Variants in MED12L observed in about 807,000 individuals in gnomAD.
The protein encoded by MED12L is mediator of RNA polymerase II transcription subunit 12-like protein.
In MED12L, 60 loss-of-function variants were observed where a neutral mutation model predicts 281.3. That is an observed-to-expected ratio of 0.21 (90% CI 0.17 to 0.26). The LOEUF (loss-of-function observed/expected upper bound fraction) is 0.26. MED12L is among the 10% of genes least tolerant of loss of function. The probability of loss-of-function intolerance (pLI) is 1.00; values close to 1 mark genes in which losing one functional copy is unlikely to be tolerated. For synonymous variants in MED12L, 974 were observed against 987.2 expected, an observed-to-expected ratio of 0.99 and a Z score of 0.25; for missense variants, 2,146 against 2,680.9, an observed-to-expected ratio of 0.80 and a Z score of 4.41.
intron 16 of MED12L, among the ~76,000 whole-genome samples, chr3:151,240,813 T>G (rs1047161499): frequency 5.9e-5 from 9 of 152,360 alleles, no homozygotes; most frequent in African/African-American, 2.2e-4. Context: ...GTCATTTCCT[T>G]AGGTCAGAGA....
At position 151,282,358 on chromosome 3, in the gene MED12L, G is replaced by GTT. The variant is rs146250992; in HGVS notation, c.2251-67693_2251-67692dup. Among the ~76,000 whole-genome samples the GTT allele has an allele frequency of 9.1e-3, 1,357 of 149,280 alleles. 22 individuals carry two copies. Among genetic ancestry groups the GTT allele is most frequent in the African/African-American group, 0.031 (1,258 of 40,694 alleles). On this transcript the variant is annotated intron_variant, in intron 16 of 44. Transcript: ENST00000687756. ...GGGTTATATAATTTAGTTTTTTTTTGTTTTTTTTTGTTTGTTTGTTTGTTT... is the reference window on the plus strand; with the variant it reads ...GGGTTATATAATTTAGTTTTTTTTTGTTTTTTTTTTTGTTTGTTTGTTTGTTT...
intron 38 of MED12L, among the ~76,000 whole-genome samples, chr3:151,391,876 A>G (rs932807665): frequency 5.3e-5 from 8 of 152,218 alleles, no homozygotes; most frequent in African/African-American, 1.9e-4. Flanking sequence ...TTGTTGAGTG[A>G]ATGAATATAG....
At chr3:151,171,220 C>G (rs1014490011) in intron 11 of MED12L, among the ~76,000 whole-genome samples, 1 of 152,136 alleles carries the variant, frequency 6.6e-6, no homozygotes, top group Non-Finnish European at 1.5e-5. Flanking sequence ...CAGTGGGACC[C>G]CTGGTTTCCA....
chr3:151,213,606 G>C, intron 16 of MED12L: 1 of 1,614,140 alleles, frequency 6.2e-7, no homozygotes, highest in Non-Finnish European at 8.5e-7. Flanking sequence ...CAAACACGAT[G>C]CTGAATATGT....
At chr3:151,311,955 C>T (rs370895333) in intron 16 of MED12L, among the ~76,000 whole-genome samples, 1 of 152,108 alleles carries the variant, frequency 6.6e-6, no homozygotes, top group Non-Finnish European at 1.5e-5. Flanking sequence ...ACCTGGGAGG[C>T]GGAGGTTGCG....
chr3:151,369,345 G>C, intron 25 of MED12L, 91 bp from the exon 26 acceptor site: 2 of 825,788 alleles, frequency 2.4e-6, no homozygotes, highest in Non-Finnish European at 3.8e-6. Context: ...AGCACCCACA[G>C]TCTAACAATG....
At chr3:151,299,968 G>A (rs1032404380) in intron 16 of MED12L, 2 of 813,392 alleles carry the variant, frequency 2.5e-6, no homozygotes, top group Admixed American at 3.5e-5. Context: ...TATTTTGTTA[G>A]TTGGTTCTCT....
chr3:151,384,967 CT>C (rs1303680910), intron 35 of MED12L, 62 bp from the exon 36 acceptor site: 1 of 893,188 alleles, frequency 1.1e-6, no homozygotes, highest in Non-Finnish European at 1.9e-6. Flanking sequence ...TTCTGGTTAA[CT>C]TTTGCCTTCA....
intron 16 of MED12L, among the ~76,000 whole-genome samples, chr3:151,263,794 G>C (rs1329325075): frequency 6.6e-6 from 1 of 152,056 alleles, no homozygotes; most frequent in African/African-American, 2.4e-5. Flanking sequence ...TGTGACTCTT[G>C]GTAAAATACC....
chr3:151,430,186 T>A, intron 43 of MED12L, 113 bp from the exon 44 acceptor site: 1 of 1,468,886 alleles, frequency 6.8e-7, no homozygotes, highest in Non-Finnish European at 9.2e-7. Flanking sequence ...TAGCCCTTTT[T>A]TCGTGAAGTG....
At position 151,196,831 on chromosome 3, in the gene MED12L, T is replaced by C. The variant is rs571391705; in HGVS notation, c.2250+3165T>C. Among the ~76,000 whole-genome samples, 25 of 152,354 alleles carry C rather than the reference T, an allele frequency of 1.6e-4. No individual in the cohort carries two copies. In the East Asian group the frequency reaches 4.8e-3, roughly 29 times the overall value. ...CAGAATATTTTTATGGAATTGTAGA[T>C]AGGATTTTCAAGCTTTAGAAAATAA... On this transcript the variant is annotated intron_variant, in intron 16 of 44. Coordinates refer to ENST00000687756, the MANE Select transcript of MED12L (RefSeq NM_001393769.1).
intron 17 of MED12L, 80 bp from the exon 18 acceptor site, chr3:151,355,041 C>T (rs1753738049): frequency 9.8e-7 from 1 of 1,018,200 alleles, no homozygotes; most frequent in African/African-American, 1.6e-5. Flanking sequence ...GTATGCTATA[C>T]TTTAAAAAAA....
At chr3:151,109,245 C>T (rs543403423) in intron 2 of MED12L, among the ~76,000 whole-genome samples, 17 of 152,092 alleles carry the variant, frequency 1.1e-4, no homozygotes, top group Admixed American at 6.5e-4. Flanking sequence ...TAAGTAGAGA[C>T]GGGGTTTCAC....
intron 16 of MED12L, among the ~76,000 whole-genome samples, chr3:151,291,972 GCCTAGTAA>G (rs1744313343): frequency 6.6e-6 from 1 of 152,124 alleles, no homozygotes; most frequent in Admixed American, 6.5e-5. Context: ...CATTAAACAT[GCCTAGTAA>G]CTATATAGCA....
intron 16 of MED12L, among the ~76,000 whole-genome samples, chr3:151,348,448 C>A (rs1752830281): frequency 6.6e-6 from 1 of 151,890 alleles, no homozygotes; most frequent in African/African-American, 2.4e-5. Context: ...AGATGCGCAG[C>A]CAGCTCTAGG....
intron 16 of MED12L, among the ~76,000 whole-genome samples, chr3:151,343,349 G>A (rs762394852): frequency 5.3e-5 from 8 of 152,100 alleles, no homozygotes; most frequent in Non-Finnish European, 8.8e-5. Context: ...CTCTAGAAGG[G>A]CTAACAGTAG....
rs769424999 is a variant in MED12L, at chr3:151,163,928, G to T, written c.1143G>T (p.Trp381Cys). 1 of 1,613,564 alleles carries T rather than the reference G, an allele frequency of 6.2e-7. No homozygotes were observed. The highest frequency in any genetic ancestry group is 8.5e-7 in the Non-Finnish European group (1 of 1,179,720). The part of the protein sequence containing the change: ...VTLCCPSALV[W>C]NYSTNENKSA... ...TCTGTTGCCCAAGTGCCTTGGTGTG[G>T]AATTATTCCACAAATGAAAATAAGA... Residue 381 changes from tryptophan to cysteine, a missense_variant, in exon 9 of 45, where the codon TGG (tryptophan) becomes TGT (cysteine). Around this residue, in one of 9 missense-constraint regions of MED12L, gnomAD observed 722 missense variants for 861.2 expected, o/e 0.84. Transcript: ENST00000687756.
At chr3:151,269,706 A>C in intron 16 of MED12L, 1 of 419,152 alleles carries the variant, frequency 2.4e-6, no homozygotes, top group Non-Finnish European at 4.6e-6. Context: ...ATTTTGATGA[A>C]AATCTTTAGT....
At chr3:151,389,473 G>A (rs1455784164) in intron 37 of MED12L, among the ~76,000 whole-genome samples, 1 of 152,190 alleles carries the variant, frequency 6.6e-6, no homozygotes, top group Non-Finnish European at 1.5e-5. Context: ...CTATAAGGAA[G>A]AGGAAGCATG....
Sources: allele counts gnomAD v4.1 joint callset (sites outside exome capture counted in the v4.1 genomes callset), GRCh38; gene constraint gnomAD v4.1.1; regional missense constraint gnomAD v4.1.1; transcripts MANE v1.5; gene names NCBI Gene and HGNC (gene_info 2026-07-23, HGNC 2026-07-21).